Variants in SRPK2 observed in about 807,000 individuals in gnomAD.
SRPK2 encodes SRSF protein kinase 2, also known as SFRS protein kinase 2.
SRPK2 carries 21 observed loss-of-function variants against 90.8 expected under a neutral mutation model. That is an observed-to-expected ratio of 0.23 (90% CI 0.16 to 0.33). SRPK2 has a LOEUF of 0.33. SRPK2 is among the 10% of genes least tolerant of loss of function. The pLI is 1.00. For synonymous variants in SRPK2, 288 were observed against 311.1 expected (o/e 0.93, Z 0.78); for missense variants, 620 against 869.0 (o/e 0.71, Z 3.60).
chr7:105,222,680 T>C (rs1208052529), intron 2 of SRPK2, among the ~76,000 whole-genome samples: 2 of 152,190 alleles, frequency 1.3e-5, no homozygotes, highest in Non-Finnish European at 2.9e-5. Flanking sequence ...CTGGTATAAA[T>C]ATAGAAATTC....
chr7:105,227,992 T>C (rs1432445346), intron 2 of SRPK2, among the ~76,000 whole-genome samples: 1 of 152,060 alleles, frequency 6.6e-6, no homozygotes, highest in Non-Finnish European at 1.5e-5. Context: ...TAGCCTACTA[T>C]TTAGAAAAGG....
intron 2 of SRPK2, among the ~76,000 whole-genome samples, chr7:105,298,294 C>A (rs1216624177): frequency 6.6e-6 from 1 of 152,152 alleles, no homozygotes. Flanking sequence ...CATCCACTTG[C>A]TGCATGTATT....
intron 15 of SRPK2, 34 bp from the exon 16 acceptor site, chr7:105,118,056 G>C (rs1799808472): frequency 1.9e-6 from 3 of 1,603,976 alleles, no homozygotes; most frequent in Admixed American, 1.7e-5. Context: ...TGTCAAGAAA[G>C]CTCCAAATCT....
At chr7:105,300,303 C>T (rs114442871) in intron 2 of SRPK2, among the ~76,000 whole-genome samples, 1,566 of 149,234 alleles carry the variant, frequency 0.01, 21 homozygotes, top group African/African-American at 0.036. Context: ...ATTTAGAACA[C>T]TATGTGCACA....
intron 2 of SRPK2, among the ~76,000 whole-genome samples, chr7:105,365,133 GTCC>G (rs1425292145): frequency 6.6e-6 from 1 of 152,050 alleles, no homozygotes; most frequent in Non-Finnish European, 1.5e-5. Context: ...TTGGATTAAT[GTCC>G]TCTATGGCAA....
intron 2 of SRPK2, among the ~76,000 whole-genome samples, chr7:105,280,648 T>G: frequency 3.2e-5 from 1 of 31,406 alleles, no homozygotes; most frequent in Non-Finnish European, 5.6e-5. Flanking sequence ...AACAAGTCAT[T>G]AAAAAAAAGG....
intron 7 of SRPK2, among the ~76,000 whole-genome samples, chr7:105,159,521 T>C (rs1807233628): frequency 6.8e-6 from 1 of 147,002 alleles, no homozygotes. Context: ...CTAAACAAAG[T>C]TATCTGCACA....
Position 105,153,512 on chromosome 7 carries a change from G to A in SRPK2, c.622-6854C>T, listed in dbSNP as rs114077253. Among the ~76,000 whole-genome samples, 429 of 152,158 alleles carry A rather than the reference G, an allele frequency of 2.8e-3. 3 individuals carry two copies. The highest frequency in any genetic ancestry group is 9.7e-3 in the African/African-American group (401 of 41,536). On this transcript the variant is annotated intron_variant, in intron 7 of 15. Coordinates refer to ENST00000393651, the MANE Select transcript of SRPK2 (RefSeq NM_182692.3). The stretch of plus-strand genomic sequence containing the variant: ...GGTCCTGTAATCTTGTAGATAAGTC[G>A]GGGAACAGTCAAGCATAATGTGGAG...
chr7:105,251,684 T>A (rs1488364536), intron 2 of SRPK2, among the ~76,000 whole-genome samples: 1 of 152,230 alleles, frequency 6.6e-6, no homozygotes, highest in African/African-American at 2.4e-5. Context: ...CTAAAGATTG[T>A]GCTGGTCTCA....
At position 105,205,554 on chromosome 7, in the gene SRPK2, CA is replaced by C. The variant is rs1429455087; in HGVS notation, c.72-1770del. 1.7e-4 allele frequency among the ~76,000 whole-genome samples: 25 copies of C among 143,392 alleles called. No individual in the cohort carries two copies. The East Asian group carries it at 3.4e-3, about 20-fold the overall frequency. The allele number at this position is 143,392 out of a possible 152,430, so 94.1% of individuals were successfully genotyped here. On this transcript the variant is annotated intron_variant, in intron 2 of 15. Coordinates refer to ENST00000393651, the MANE Select transcript of SRPK2 (RefSeq NM_182692.3). ...ACACACACACACACACACACACACA[CA>C]CACACACACACACACCACTTCCAGA...
At chr7:105,268,269 T>C (rs569738669) in intron 2 of SRPK2, among the ~76,000 whole-genome samples, 83 of 152,308 alleles carry the variant, frequency 5.4e-4, no homozygotes, top group Non-Finnish European at 1.1e-3. Flanking sequence ...AGCACAGACT[T>C]GAAGAAGCAT....
chr7:105,346,616 T>C (rs952891913), intron 2 of SRPK2, among the ~76,000 whole-genome samples: 3 of 151,992 alleles, frequency 2.0e-5, no homozygotes, highest in African/African-American at 7.3e-5. Flanking sequence ...TAGCCAGGCA[T>C]GGTGGTGTGC....
chr7:105,319,823 G>C (rs1039704964), intron 2 of SRPK2, among the ~76,000 whole-genome samples: 7 of 149,994 alleles, frequency 4.7e-5, no homozygotes, highest in African/African-American at 1.5e-4. Flanking sequence ...GACTGTTTCT[G>C]TACCTCACTT....
chr7:105,378,862 T>C (rs576271796), intron 2 of SRPK2, among the ~76,000 whole-genome samples: 1 of 152,256 alleles, frequency 6.6e-6, no homozygotes, highest in African/African-American at 2.4e-5. Flanking sequence ...TAAAATTTAT[T>C]ACAATGACAC....
chr7:105,215,364 A>C (rs1277611837), intron 2 of SRPK2, among the ~76,000 whole-genome samples: 1 of 152,156 alleles, frequency 6.6e-6, no homozygotes, highest in Non-Finnish European at 1.5e-5. Flanking sequence ...AGTGACGTAC[A>C]AAACAAGAGA....
At chr7:105,146,780 T>C (rs1043364634) in intron 7 of SRPK2, 122 bp from the exon 8 acceptor site, 2 of 1,080,092 alleles carry the variant, frequency 1.9e-6, no homozygotes, top group African/African-American at 3.2e-5. Flanking sequence ...CAAAAGGATA[T>C]TTAGTAAAAA....
chr7:105,365,509 A>AAATT (rs1818936888), intron 2 of SRPK2, among the ~76,000 whole-genome samples: 1 of 124,788 alleles, frequency 8.0e-6, no homozygotes, highest in African/African-American at 3.1e-5. Flanking sequence ...AAAAAAAAAA[A>AAATT]TTATATATAT....
intron 3 of SRPK2, among the ~76,000 whole-genome samples, chr7:105,203,282 A>C (rs1045067583): frequency 2.0e-5 from 3 of 152,052 alleles, no homozygotes; most frequent in African/African-American, 7.2e-5. Flanking sequence ...CAGCCACCGC[A>C]CTGGCCCAGT....
intron 3 of SRPK2, among the ~76,000 whole-genome samples, chr7:105,179,452 C>T (rs1344489611): frequency 6.6e-6 from 1 of 152,094 alleles, no homozygotes; most frequent in East Asian, 1.9e-4. Context: ...AACTAACTGG[C>T]CCAAAGCATA....
Sources: gnomAD v4.1 joint callset for allele counts (sites outside exome capture counted in the v4.1 genomes callset) on GRCh38, gnomAD v4.1.1 for gene constraint, MANE v1.5 for transcripts, NCBI Gene and HGNC (gene_info 2026-07-23, HGNC 2026-07-21) for gene names.